LRP1B: variants seen among roughly 807,000 people sequenced by gnomAD.
The protein encoded by LRP1B is low-density lipoprotein receptor-related protein 1B.
In LRP1B, 217 loss-of-function variants were observed where a neutral mutation model predicts 556.6. The observed-to-expected ratio is 0.39, with a 90% CI of 0.35 to 0.44. The LOEUF is 0.44. Ranked by LOEUF, LRP1B falls within the 20% of genes least tolerant of loss-of-function variation. The probability of loss-of-function intolerance (pLI) is 1.00; values close to 1 mark genes in which losing one functional copy is unlikely to be tolerated. For missense variants in LRP1B, 5,053 were observed against 5,620.8 expected (o/e 0.90, Z 3.23); for synonymous variants, 2,047 against 1,865.8 (o/e 1.10, Z -2.50).
At chr2:140,255,283 G>T (rs777039789) in intron 86 of LRP1B, among the ~76,000 whole-genome samples, 1 of 152,074 alleles carries the variant, frequency 6.6e-6, no homozygotes, top group Non-Finnish European at 1.5e-5. Flanking sequence ...AAAGTGAGAA[G>T]GTTTAAGCAG....
intron 3 of LRP1B, among the ~76,000 whole-genome samples, chr2:141,404,491 G>A (rs143081114): frequency 4.1e-4 from 62 of 152,240 alleles, no homozygotes; most frequent in African/African-American, 1.3e-3. Context: ...CATTTGTTAT[G>A]CTTTTAGCTT....
chr2:141,608,501 T>C (rs966159326), intron 2 of LRP1B, among the ~76,000 whole-genome samples: 7 of 152,140 alleles, frequency 4.6e-5, no homozygotes, highest in African/African-American at 9.7e-5. Flanking sequence ...CATTGTCCAA[T>C]GACATTAACT....
chr2:140,316,413 C>G (rs1345692085), intron 82 of LRP1B, among the ~76,000 whole-genome samples: 1 of 152,084 alleles, frequency 6.6e-6, no homozygotes, highest in Non-Finnish European at 1.5e-5. Flanking sequence ...GTATCATGTC[C>G]ACTGTCATAA....
chr2:141,027,691 G>A (rs1234554792), intron 11 of LRP1B, among the ~76,000 whole-genome samples: 2 of 152,128 alleles, frequency 1.3e-5, no homozygotes, highest in African/African-American at 2.4e-5. Context: ...AGCTGTGTGA[G>A]GGCGCAATGG....
At chr2:141,072,602 CAGGTACTCCCTCTGCA>C (rs1699678108) in intron 7 of LRP1B, among the ~76,000 whole-genome samples, 2 of 151,950 alleles carry the variant, frequency 1.3e-5, no homozygotes, top group Non-Finnish European at 2.9e-5. Context: ...CTATCAGTCT[CAGGTACTCCCTCTGCA>C]ACACTTTTGG....
At chr2:142,119,038 C>G (rs901710964) in intron 1 of LRP1B, among the ~76,000 whole-genome samples, 3 of 152,156 alleles carry the variant, frequency 2.0e-5, no homozygotes, top group African/African-American at 4.8e-5. Context: ...TAGCAAATAT[C>G]TACCAAACCT....
chr2:141,031,045 C>A (rs1698354425), intron 11 of LRP1B, among the ~76,000 whole-genome samples: 1 of 152,024 alleles, frequency 6.6e-6, no homozygotes, highest in East Asian at 1.9e-4. Context: ...AAACCTCCTA[C>A]ATATTCAGAA....
intron 13 of LRP1B, among the ~76,000 whole-genome samples, chr2:141,013,959 C>G (rs2105386393): frequency 6.6e-6 from 1 of 152,092 alleles, no homozygotes; most frequent in African/African-American, 2.4e-5. Flanking sequence ...TTTATCTAAA[C>G]CATTTATTAT....
chr2:140,248,459 C>CTGTATA (rs1681262780), intron 86 of LRP1B, among the ~76,000 whole-genome samples: 2 of 151,436 alleles, frequency 1.3e-5, no homozygotes, highest in South Asian at 4.2e-4. Flanking sequence ...TACATTAGCT[C>CTGTATA]AACTTTTGTT....
At chr2:141,850,140 T>C (rs1421089743) in intron 1 of LRP1B, among the ~76,000 whole-genome samples, 2 of 151,888 alleles carry the variant, frequency 1.3e-5, no homozygotes, top group Admixed American at 1.3e-4. Context: ...ATCTTAGTGA[T>C]AATTTTTCAT....
At chr2:140,789,208 G>A (rs1573720666) in intron 32 of LRP1B, among the ~76,000 whole-genome samples, 1 of 152,062 alleles carries the variant, frequency 6.6e-6, no homozygotes, top group East Asian at 1.9e-4. Context: ...AGCAAAACGG[G>A]AGCCACTGAG....
At chr2:141,671,293 C>A (rs1690657772) in intron 2 of LRP1B, among the ~76,000 whole-genome samples, 1 of 152,086 alleles carries the variant, frequency 6.6e-6, no homozygotes, top group African/African-American at 2.4e-5. Flanking sequence ...AGGTCAGATT[C>A]TCTAGAAGCA....
intron 41 of LRP1B, among the ~76,000 whole-genome samples, chr2:140,680,960 G>C (rs1424106041): frequency 2.6e-5 from 4 of 152,174 alleles, no homozygotes; most frequent in Non-Finnish European, 5.9e-5. Context: ...GACTTAAAAG[G>C]CAGTGCTGTG....
At chr2:141,191,082 T>C (rs1227728645) in intron 6 of LRP1B, among the ~76,000 whole-genome samples, 1 of 151,968 alleles carries the variant, frequency 6.6e-6, no homozygotes, top group Non-Finnish European at 1.5e-5. Flanking sequence ...AAATGCCCCA[T>C]TTACTATTCT....
chr2:140,691,080 T>C (rs1686220954), intron 41 of LRP1B, among the ~76,000 whole-genome samples: 1 of 152,142 alleles, frequency 6.6e-6, no homozygotes, highest in Non-Finnish European at 1.5e-5. Context: ...AAAAGAACAA[T>C]TAACAAAATC....
At chr2:141,622,713 A>T (rs1688546220) in intron 2 of LRP1B, among the ~76,000 whole-genome samples, 1 of 152,178 alleles carries the variant, frequency 6.6e-6, no homozygotes, top group African/African-American at 2.4e-5. Context: ...AATAATTCAA[A>T]GGGTTGCTAG....
At chr2:140,752,524 C>T (rs944847553) in intron 35 of LRP1B, among the ~76,000 whole-genome samples, 6 of 151,874 alleles carry the variant, frequency 4.0e-5, no homozygotes, top group African/African-American at 1.4e-4. Flanking sequence ...AGGGTTTTGC[C>T]ATATTGGCCA....
chr2:140,532,511 C>T (rs1250061221), intron 47 of LRP1B, among the ~76,000 whole-genome samples: 1 of 152,058 alleles, frequency 6.6e-6, no homozygotes, highest in African/African-American at 2.4e-5. Flanking sequence ...ATTCTCCTGC[C>T]TCAGCATCCC....
At chr2:141,555,767 G>C (rs1483146) in intron 2 of LRP1B, among the ~76,000 whole-genome samples, 56,070 of 151,578 alleles carry the variant, frequency 0.37, 10,913 homozygotes, top group Non-Finnish European at 0.44. Flanking sequence ...GGTGAGTGTA[G>C]AGCACTGTAT....
Sources: allele counts gnomAD v4.1 joint callset (sites outside exome capture counted in the v4.1 genomes callset), GRCh38; gene constraint gnomAD v4.1.1; transcripts MANE v1.5; gene names NCBI Gene and HGNC (gene_info 2026-07-23, HGNC 2026-07-21).